PICALM: variants seen among roughly 807,000 people sequenced by gnomAD.
PICALM encodes the protein phosphatidylinositol binding clathrin assembly protein, also known as phosphatidylinositol-binding clathrin assembly protein.
Under a neutral mutation model 80.5 loss-of-function variants are expected in PICALM, and 40 were observed. The ratio of observed to expected loss-of-function variants is 0.50; its 90% confidence interval spans 0.39 to 0.65. The LOEUF (loss-of-function observed/expected upper bound fraction) is 0.65. Among genes scored for constraint, PICALM ranks in the 30% least tolerant of loss-of-function variants. PICALM has a pLI of 0.00. For missense variants in PICALM, 676 were observed against 778.9 expected, an observed-to-expected ratio of 0.87 and a Z score of 1.57; for synonymous variants, 288 against 260.3, an observed-to-expected ratio of 1.11 and a Z score of -1.02.
At chr11:86,041,654 T>G (rs990140104) in intron 1 of PICALM, among the ~76,000 whole-genome samples, 5 of 152,206 alleles carry the variant, frequency 3.3e-5, no homozygotes, top group Admixed American at 6.5e-5. Flanking sequence ...CAAGCCAAAT[T>G]TACCGAACTG....
intron 1 of PICALM, among the ~76,000 whole-genome samples, chr11:86,035,584 A>C (rs547528034): frequency 6.6e-6 from 1 of 152,304 alleles, no homozygotes; most frequent in East Asian, 1.9e-4. Context: ...TTGAACGAGA[A>C]CTTCTTTTTT....
At chr11:86,042,216 G>C (rs1287398370) in intron 1 of PICALM, among the ~76,000 whole-genome samples, 1 of 152,016 alleles carries the variant, frequency 6.6e-6, no homozygotes, top group East Asian at 1.9e-4. Context: ...TTCAAACCTA[G>C]ATACCTTAGG....
intron 1 of PICALM, among the ~76,000 whole-genome samples, chr11:86,036,578 T>C (rs1483461473): frequency 6.6e-6 from 1 of 152,196 alleles, no homozygotes; most frequent in East Asian, 1.9e-4. Flanking sequence ...AATAATCAGA[T>C]GGCTTTTAGA....
At chr11:86,067,148 T>C (rs563155960) in intron 1 of PICALM, among the ~76,000 whole-genome samples, 1 of 152,204 alleles carries the variant, frequency 6.6e-6, no homozygotes. Flanking sequence ...ATGAGCACAG[T>C]AACTTGGAAG....
intron 19 of PICALM, among the ~76,000 whole-genome samples, chr11:85,961,743 C>T (rs1419200194): frequency 1.3e-5 from 2 of 152,140 alleles, no homozygotes; most frequent in Admixed American, 6.5e-5. Context: ...TTAGGGATGT[C>T]CTAGTGAGTA....
At chr11:85,997,011 T>A in intron 11 of PICALM, 82 bp from the exon 12 acceptor site, 1 of 676,522 alleles carries the variant, frequency 1.5e-6, no homozygotes, top group South Asian at 1.8e-5. Flanking sequence ...CCACCACAGA[T>A]AAAAACATTA....
In PICALM at chr11:86,056,134, TTAA is replaced by T. The variant is rs1230577470; in HGVS notation, c.130+12514_130+12516del. Among the ~76,000 whole-genome samples the T allele has an allele frequency of 1.8e-3, 139 of 76,854 alleles. 12 individuals carry two copies. Among genetic ancestry groups the T allele is most frequent in the Non-Finnish European group, 3.0e-3 (113 of 38,096 alleles). The allele number at this position is 76,854 out of a possible 152,430, so 50.4% of individuals were successfully genotyped here. On this transcript the variant is annotated intron_variant, in intron 1 of 19. Coordinates refer to ENST00000393346, the MANE Select transcript of PICALM (RefSeq NM_007166.4). ...TGGGTGACAGAACAAGACTCTGTCT[TTAA>T]AAAAAAAAAAAAAGAAAAAACCCTT... is the stretch of plus-strand genomic sequence containing the variant.
intron 13 of PICALM, 73 bp from the exon 14 acceptor site, chr11:85,984,046 C>A: frequency 1.5e-6 from 1 of 680,092 alleles, no homozygotes; most frequent in Non-Finnish European, 2.5e-6. Flanking sequence ...ATAATGATGA[C>A]AATAGAATGG....
At chr11:85,996,012 G>T (rs759696827) in intron 12 of PICALM, among the ~76,000 whole-genome samples, 1 of 151,918 alleles carries the variant, frequency 6.6e-6, no homozygotes, top group Non-Finnish European at 1.5e-5. Flanking sequence ...TATCTGCTCT[G>T]TGCCCCACCT....
Position 86,004,223 on chromosome 11 carries a change from A to T in PICALM, c.808-772T>A, listed in dbSNP as rs1463271547. Among the ~76,000 whole-genome samples, 4 of 152,350 alleles carry T rather than the reference A, an allele frequency of 2.6e-5. No individual in the cohort carries two copies. In the East Asian group the frequency reaches 7.7e-4, roughly 29 times the overall value. ...ATGGATAGACAAAATTGTGGTAAAT[A>T]TTATTCAGCAATAAAGAAGAATTAA... is the stretch of plus-strand genomic sequence containing the variant. On this transcript the variant is annotated intron_variant, in intron 8 of 19. Coordinates refer to ENST00000393346, the MANE Select transcript of PICALM (RefSeq NM_007166.4).
chr11:85,983,604 A>G (rs868068400), intron 14 of PICALM, among the ~76,000 whole-genome samples: 1 of 152,190 alleles, frequency 6.6e-6, no homozygotes, highest in Non-Finnish European at 1.5e-5. Context: ...GCAACTTAGC[A>G]TTCTACAGAG....
intron 11 of PICALM, among the ~76,000 whole-genome samples, chr11:86,000,335 A>AC (rs2095104071): frequency 6.6e-6 from 1 of 152,258 alleles, no homozygotes; most frequent in Non-Finnish European, 1.5e-5. Flanking sequence ...AGGGTCTTGA[A>AC]CCATTAGATG....
At chr11:86,043,445 G>A (rs2096010477) in intron 1 of PICALM, among the ~76,000 whole-genome samples, 1 of 152,104 alleles carries the variant, frequency 6.6e-6, no homozygotes. Flanking sequence ...TCTTCTGGGG[G>A]AGTTAGAGAC....
chr11:86,032,866 G>GT (rs1343118549), intron 1 of PICALM, among the ~76,000 whole-genome samples: 1 of 152,146 alleles, frequency 6.6e-6, no homozygotes, highest in Non-Finnish European at 1.5e-5. Flanking sequence ...AAATGACAAT[G>GT]TAACTACCAA....
intron 1 of PICALM, among the ~76,000 whole-genome samples, chr11:86,050,126 AC>A (rs2096156081): frequency 6.8e-6 from 1 of 147,902 alleles, no homozygotes; most frequent in African/African-American, 2.5e-5. Context: ...AACTCCTTGA[AC>A]CCAGGAGGCG....
chr11:85,996,892 G>A lies in PICALM; in HGVS notation c.1192C>T (p.Gln398Ter). 6.2e-7 allele frequency: 1 copy of A among 1,612,898 alleles called. No individual in the cohort carries two copies. Among genetic ancestry groups the A allele is most frequent in the Non-Finnish European group, 8.5e-7 (1 of 1,179,298 alleles). ...KLPNDLLDLQ[Q>*]PTFHPSVHPM... ...TGTACAGATGGGTGAAAAGTTGGCT[G>A]CTGCAAATCAAGCAGATCATTGGGC... is the stretch of plus-strand genomic sequence containing the variant. The change falls in exon 12 of 20, where the codon CAG becomes TAG. Residue 398 changes from glutamine (Q) to a stop codon, truncating the protein, a stop_gained. Transcript: ENST00000393346. LOFTEE classifies it high-confidence loss of function.
intron 13 of PICALM, among the ~76,000 whole-genome samples, chr11:85,984,546 T>C (rs1406093410): frequency 6.6e-6 from 1 of 152,192 alleles, no homozygotes; most frequent in Non-Finnish European, 1.5e-5. Context: ...TGTATCCATA[T>C]GCTTTTAAAA....
rs1164806833 is a variant in PICALM at position 85,981,856 on chromosome 11, T to C, written c.1648+16A>G. 1 of 1,613,124 alleles carries C rather than the reference T, an allele frequency of 6.2e-7. No individual in the cohort carries two copies. The highest frequency in any genetic ancestry group is 1.3e-5 in the African/African-American group (1 of 75,002). ...AACAACATAAAAGAAGATTAACGTA[T>C]CCAAAGACTACTTACTGCCCACAAG... On this transcript the variant is annotated intron_variant, in intron 15 of 19. Transcript: ENST00000393346.
At chr11:86,021,282 T>C (rs1003384275) in intron 4 of PICALM, among the ~76,000 whole-genome samples, 1 of 151,568 alleles carries the variant, frequency 6.6e-6, no homozygotes, top group Non-Finnish European at 1.5e-5. Flanking sequence ...GCACAGGAGG[T>C]CGACACTGCA....
Sources: allele counts gnomAD v4.1 joint callset (sites outside exome capture counted in the v4.1 genomes callset), GRCh38; gene constraint gnomAD v4.1.1; transcripts MANE v1.5; gene names NCBI Gene and HGNC (gene_info 2026-07-23, HGNC 2026-07-21).